Variants in NF2 observed in about 807,000 individuals in gnomAD.
The protein encoded by NF2 is NF2, moesin-ezrin-radixin like (MERLIN) tumor suppressor, also known as merlin.
In NF2, 8 loss-of-function variants were observed where a neutral mutation model predicts 83.7. The observed-to-expected ratio is 0.10, with a 90% confidence interval of 0.06 to 0.17. The LOEUF (loss-of-function observed/expected upper bound fraction) is 0.17, where lower values mean the gene tolerates loss of function less well. NF2 is among the 10% of genes least tolerant of loss of function. The probability of loss-of-function intolerance (pLI) is 1.00; values close to 1 mark genes in which losing one functional copy is unlikely to be tolerated. For missense variants in NF2, 533 were observed against 744.4 expected, an observed-to-expected ratio of 0.72 and a Z score of 3.31; for synonymous variants, 266 against 269.6, an observed-to-expected ratio of 0.99 and a Z score of 0.13.
intron 3 of NF2, among the ~76,000 whole-genome samples, chr22:29,639,687 A>G (rs2065749028): frequency 6.6e-6 from 1 of 151,216 alleles, no homozygotes. Context: ...GATCGAGACC[A>G]TCTGGCTAAC....
In NF2 at chr22:29,696,708, G is replaced by T. The variant is rs1200943935; in HGVS notation, c.*1906G>T. ...CCAGACCTAGAGCGTAAGTATGGATGTTGTGGCCCTGTGTCTTCCTAGTGT... is the reference window on the plus strand; with the variant it reads ...CCAGACCTAGAGCGTAAGTATGGATTTTGTGGCCCTGTGTCTTCCTAGTGT... On this transcript the variant is annotated 3_prime_UTR_variant, in exon 16 of 16. Transcript: ENST00000338641. 4.5e-6 allele frequency: 1 copy of T among 220,974 alleles called. No homozygotes were observed. Among genetic ancestry groups the T allele is most frequent in the Non-Finnish European group, 9.1e-6 (1 of 110,272 alleles). 13.7% of individuals were successfully genotyped at this position (220,974 alleles called of 1,614,324 possible).
At position 29,695,022 on chromosome 22, in the gene NF2, C is replaced by T. The variant is rs1017062378; in HGVS notation, c.*220C>T. 8.0e-5 allele frequency: 49 copies of T among 616,224 alleles called. No individual in the cohort carries two copies. Among genetic ancestry groups the T allele is most frequent in the Non-Finnish European group, 1.2e-4 (43 of 347,126 alleles). 38.2% of individuals were successfully genotyped at this position (616,224 alleles called of 1,614,324 possible). A position where few individuals can be genotyped will look rare whatever the true frequency, so the allele number is the denominator to read the frequency against. On this transcript the variant is annotated 3_prime_UTR_variant, in exon 16 of 16. Transcript: ENST00000338641. This position sits in a 1 kb window ranked among gnomAD's most constrained non-coding sequence, Gnocchi z 5.4. ...CTCTCATGGCGTTCTAGTTCTCTGA[C>T]CTGAGTCTTTGTTTTAAGAAGTATT...
intron 15 of NF2, among the ~76,000 whole-genome samples, chr22:29,692,693 A>C (rs534187995): frequency 5.3e-5 from 8 of 152,116 alleles, no homozygotes; most frequent in African/African-American, 1.9e-4. Context: ...TGTTGCCTGC[A>C]CCCCTTCCTA....
chr22:29,685,308 A>G (rs190284587), intron 15 of NF2, among the ~76,000 whole-genome samples: 40 of 151,906 alleles, frequency 2.6e-4, no homozygotes, highest in Admixed American at 2.5e-3. Context: ...GGGTTTCGCC[A>G]TGTTGCCCAG....
At chr22:29,643,196 G>A (rs1366455600) in intron 4 of NF2, among the ~76,000 whole-genome samples, 1 of 151,992 alleles carries the variant, frequency 6.6e-6, no homozygotes, top group East Asian at 1.9e-4. Flanking sequence ...GTCCAGGCTG[G>A]TCTTGAACTC....
intron 6 of NF2, among the ~76,000 whole-genome samples, chr22:29,656,192 G>A (rs566852627): frequency 6.6e-6 from 1 of 151,948 alleles, no homozygotes; most frequent in East Asian, 1.9e-4. Flanking sequence ...TGCCCACCTC[G>A]GCCTCCCAAA....
intron 4 of NF2, among the ~76,000 whole-genome samples, chr22:29,644,279 G>C (rs2065912615): frequency 6.7e-6 from 1 of 150,104 alleles, no homozygotes; most frequent in Non-Finnish European, 1.5e-5. Context: ...TCACATCCCA[G>C]ACGGGGCGGC....
intron 11 of NF2, among the ~76,000 whole-genome samples, chr22:29,672,493 T>C (rs1351172769): frequency 2.0e-5 from 3 of 151,960 alleles, no homozygotes; most frequent in Non-Finnish European, 4.4e-5. Context: ...TTTGTATTTT[T>C]AGTAGAGATG....
At position 29,686,236 on chromosome 22, in the gene NF2, G is replaced by A. The variant is rs138492946; in HGVS notation, c.1737+4635G>A. Among the ~76,000 whole-genome samples the A allele has an allele frequency of 5.2e-3, 785 of 152,350 alleles. 5 individuals are homozygous for A. Among genetic ancestry groups the A allele is most frequent in the Non-Finnish European group, 8.0e-3 (542 of 68,036 alleles). ...AATCTGCTTGTGATCCTGCAGCAAAGGGCGAAGGACGGCATGTGGGCCACA... is the reference window on the plus strand; with the variant it reads ...AATCTGCTTGTGATCCTGCAGCAAAAGGCGAAGGACGGCATGTGGGCCACA... On this transcript the variant is annotated intron_variant, in intron 15 of 15. Coordinates refer to ENST00000338641, the MANE Select transcript of NF2 (RefSeq NM_000268.4).
At chr22:29,685,165 T>G (rs1394584112) in intron 15 of NF2, among the ~76,000 whole-genome samples, 1 of 151,966 alleles carries the variant, frequency 6.6e-6, no homozygotes, top group Non-Finnish European at 1.5e-5. Flanking sequence ...TCACCCAGGC[T>G]GGTACATTCT....
At position 29,623,398 on chromosome 22, in the gene NF2, C is replaced by T. The variant is rs116350291; in HGVS notation, c.115-13353C>T. ...GGTTGGCATGCAAAATGATTTGGAA[C>T]GTTTGGGGTTTGGGGTAGGGAGAGA... On this transcript the variant is annotated intron_variant, in intron 1 of 15. Coordinates refer to ENST00000338641, the MANE Select transcript of NF2 (RefSeq NM_000268.4). Among the ~76,000 whole-genome samples, 1,314 of 152,130 alleles carry T rather than the reference C, an allele frequency of 8.6e-3. 16 individuals are homozygous for T. The highest frequency in any genetic ancestry group is 0.03 in the African/African-American group (1,252 of 41,490).
intron 1 of NF2, among the ~76,000 whole-genome samples, chr22:29,629,267 T>C (rs1309334786): frequency 1.3e-5 from 2 of 152,244 alleles, no homozygotes; most frequent in Admixed American, 1.3e-4. Context: ...GTCAGACATA[T>C]ATTACTGCAC....
intron 1 of NF2, among the ~76,000 whole-genome samples, chr22:29,627,081 TA>T (rs1359782930): frequency 6.6e-6 from 1 of 152,094 alleles, no homozygotes; most frequent in Non-Finnish European, 1.5e-5. Flanking sequence ...AAACCACACA[TA>T]AACTAAAGGT....
intron 10 of NF2, among the ~76,000 whole-genome samples, chr22:29,670,194 T>G (rs1425542050): frequency 2.0e-5 from 3 of 152,066 alleles, no homozygotes; most frequent in Non-Finnish European, 4.4e-5. Flanking sequence ...GATCAGGTCT[T>G]GCTATGTTAC....
chr22:29,666,971 C>T (rs959061686), intron 9 of NF2, among the ~76,000 whole-genome samples: 1 of 151,364 alleles, frequency 6.6e-6, no homozygotes, highest in Non-Finnish European at 1.5e-5. Context: ...AGTAAAACTT[C>T]GTCTCCAAAA....
chr22:29,697,566 C>CTTTT lies in NF2; in HGVS notation c.*2777_*2780dup, dbSNP rs113760386. The stretch of plus-strand genomic sequence containing the variant: ...TTCCTGTGGCTGGGATGACTGCATC[C>CTTTT]TTTTTTTTTTTTTTTTGAGACGGAG... On this transcript the variant is annotated 3_prime_UTR_variant, in exon 16 of 16. Transcript: ENST00000338641. 1 of 158,658 alleles carries CTTTT rather than the reference C, an allele frequency of 6.3e-6. No individual in the cohort carries two copies. The highest frequency in any genetic ancestry group is 1.3e-5 in the Non-Finnish European group (1 of 74,370). The allele number at this position is 158,658 out of a possible 1,614,324, so 9.8% of individuals were successfully genotyped here.
chr22:29,639,454 C>T (rs899032682), intron 3 of NF2, among the ~76,000 whole-genome samples: 3 of 152,150 alleles, frequency 2.0e-5, no homozygotes, highest in Admixed American at 1.3e-4. Context: ...CAAGTAGCTA[C>T]CTAACTTAAA....
chr22:29,619,775 A>G (rs1171635222), intron 1 of NF2, among the ~76,000 whole-genome samples: 1 of 152,062 alleles, frequency 6.6e-6, no homozygotes, highest in East Asian at 1.9e-4. Context: ...GTGAGTGATG[A>G]GTGCGTGCGT....
rs541297728 is a variant in NF2, at chr22:29,617,487, G to GT, written c.114+13377dup. On this transcript the variant is annotated intron_variant, in intron 1 of 15. Transcript: ENST00000338641. ...AGTAGCATTCCCCCACCCCATCCCA[G>GT]TTGTTGTGACAACCAAAAATGTCTT... Among the ~76,000 whole-genome samples, 23 of 152,082 alleles carry GT rather than the reference G, an allele frequency of 1.5e-4. No individual in the cohort carries two copies. In the South Asian group the frequency reaches 4.8e-3, roughly 32 times the overall value.
Sources: allele counts gnomAD v4.1 joint callset (sites outside exome capture counted in the v4.1 genomes callset), GRCh38; gene constraint gnomAD v4.1.1; non-coding constraint Gnocchi (gnomAD v3.1); transcripts MANE v1.5; gene names NCBI Gene and HGNC (gene_info 2026-07-23, HGNC 2026-07-21).